TMEM192: variants seen among roughly 807,000 people sequenced by gnomAD.
TMEM192 encodes the protein transmembrane protein 192.
TMEM192 carries 20 observed loss-of-function variants against 26.7 expected under a neutral mutation model. The observed-to-expected ratio is 0.75, with a 90% CI of 0.53 to 1.09. The LOEUF is 1.09. Ranked by LOEUF, TMEM192 falls within the 50% of genes least tolerant of loss-of-function variation. The pLI is 0.00. For missense variants in TMEM192, 304 were observed against 322.6 expected (o/e 0.94, Z 0.44); for synonymous variants, 124 against 121.0 (o/e 1.02, Z -0.16).
chr4:165,074,210 G>A lies in TMEM192; in HGVS notation c.*5448C>T, dbSNP rs2111250766. 1 of 152,246 alleles carries A rather than the reference G, an allele frequency of 6.6e-6. No homozygotes were observed. The highest frequency in any genetic ancestry group is 1.9e-4 in the East Asian group (1 of 5,188). 9.4% of individuals were successfully genotyped at this position (152,246 alleles called of 1,614,324 possible). A position where few individuals can be genotyped will look rare whatever the true frequency, so the allele number is the denominator to read the frequency against. ...TTAAGCAATGTGGAAGGAAGCTATTGGTGACCTTGCCAAGAACAGTTTCAG... is the reference window on the plus strand; with the variant it reads ...TTAAGCAATGTGGAAGGAAGCTATTAGTGACCTTGCCAAGAACAGTTTCAG... On this transcript the variant is annotated 3_prime_UTR_variant, in exon 6 of 6. Transcript: ENST00000306480.
chr4:165,086,158 T>C (rs1204490134), intron 4 of TMEM192, among the ~76,000 whole-genome samples: 1 of 152,152 alleles, frequency 6.6e-6, no homozygotes, highest in Non-Finnish European at 1.5e-5. Context: ...AAGCTGCTTT[T>C]TGGCCTGGAA....
chr4:165,108,388 C>T (rs898456985), intron 1 of TMEM192, among the ~76,000 whole-genome samples: 5 of 151,988 alleles, frequency 3.3e-5, no homozygotes, highest in East Asian at 1.9e-4. Context: ...CTCAAAGTGC[C>T]GGGATTACAG....
Position 165,070,940 on chromosome 4 carries a change from GAC to G in TMEM192, c.*8716_*8717del, listed in dbSNP as rs992027000. The G allele has an allele frequency of 2.4e-4, 37 of 152,244 alleles. No individual in the cohort carries two copies. Among genetic ancestry groups the G allele is most frequent in the African/African-American group, 6.5e-4 (27 of 41,534 alleles). The allele number at this position is 152,244 out of a possible 1,614,324, so 9.4% of individuals were successfully genotyped here. ...AGATAGAGCTTACATTCTATCAGGA[GAC>G]ACAGACAAAGTAAACAAGTAAGTTA... is the stretch of plus-strand genomic sequence containing the variant. On this transcript the variant is annotated 3_prime_UTR_variant, in exon 6 of 6. Transcript: ENST00000306480.
chr4:165,103,283 A>C (rs1735086798), intron 1 of TMEM192, among the ~76,000 whole-genome samples, 187 bp from the exon 2 acceptor site: 1 of 151,926 alleles, frequency 6.6e-6, no homozygotes, highest in Non-Finnish European at 1.5e-5. Flanking sequence ...AAAATTAATT[A>C]ATTTTTTAAA....
At chr4:165,110,239 T>G (rs1735262423) in intron 1 of TMEM192, among the ~76,000 whole-genome samples, 1 of 152,230 alleles carries the variant, frequency 6.6e-6, no homozygotes, top group Non-Finnish European at 1.5e-5. Flanking sequence ...TCTGTTGTTT[T>G]TGCCCACATG....
At chr4:165,084,229 C>T (rs941662351) in intron 5 of TMEM192, among the ~76,000 whole-genome samples, 4 of 143,656 alleles carry the variant, frequency 2.8e-5, no homozygotes, top group Non-Finnish European at 4.6e-5. Flanking sequence ...GATGGAGTCT[C>T]GCTCTGTTGC....
At chr4:165,090,754 A>C (rs929070221) in intron 3 of TMEM192, among the ~76,000 whole-genome samples, 2 of 151,600 alleles carry the variant, frequency 1.3e-5, no homozygotes, top group African/African-American at 4.8e-5. Flanking sequence ...AAAATACAAA[A>C]ACTAGCTGGT....
chr4:165,097,442 C>T (rs1240690170), intron 3 of TMEM192, among the ~76,000 whole-genome samples: 3 of 136,964 alleles, frequency 2.2e-5, no homozygotes, highest in Non-Finnish European at 4.5e-5. Context: ...TGCAGTGAGC[C>T]GAGATAGCGC....
chr4:165,106,245 A>C (rs1238006741), intron 1 of TMEM192, among the ~76,000 whole-genome samples: 1 of 152,164 alleles, frequency 6.6e-6, no homozygotes, highest in East Asian at 1.9e-4. Context: ...TTACCATTCT[A>C]ACTCCTAAAC....
At chr4:165,086,236 A>C (rs1734613223) in intron 4 of TMEM192, among the ~76,000 whole-genome samples, 1 of 152,084 alleles carries the variant, frequency 6.6e-6, no homozygotes, top group South Asian at 2.1e-4. Flanking sequence ...CCCAGGAATT[A>C]ATCACACAGA....
chr4:165,100,602 A>C, intron 3 of TMEM192, 26 bp downstream of exon 3: 1 of 1,602,276 alleles, frequency 6.2e-7, no homozygotes, highest in Admixed American at 1.7e-5. Flanking sequence ...CAAGCACCCA[A>C]GTAGCTGAGA....
At chr4:165,091,766 T>C (rs566228842) in intron 3 of TMEM192, among the ~76,000 whole-genome samples, 44 of 152,318 alleles carry the variant, frequency 2.9e-4, no homozygotes, top group Middle Eastern at 6.8e-3. Flanking sequence ...TTAGGAATGA[T>C]TTTTTGCTTT....
chr4:165,084,800 C>T (rs1402932314), intron 5 of TMEM192, among the ~76,000 whole-genome samples: 1 of 151,702 alleles, frequency 6.6e-6, no homozygotes, highest in African/African-American at 2.4e-5. Flanking sequence ...ACTTTAGCCC[C>T]AAGATCTCCA....
Position 165,080,267 on chromosome 4 carries a change from T to C in TMEM192, c.678-471A>G, listed in dbSNP as rs901709000. Among the ~76,000 whole-genome samples, 12 of 152,144 alleles carry C rather than the reference T, an allele frequency of 7.9e-5. No homozygotes were observed. In the South Asian group the frequency reaches 1.2e-3, roughly 16 times the overall value. On this transcript the variant is annotated intron_variant, in intron 5 of 5. Coordinates refer to ENST00000306480, the MANE Select transcript of TMEM192 (RefSeq NM_001100389.2). The stretch of plus-strand genomic sequence containing the variant: ...CCCATACCACAAAAATGTATCTTTT[T>C]GCACCTGACACAAATAAAAATATTA...
chr4:165,100,974 T>TC lies in TMEM192; in HGVS notation c.175-83_175-82insG. The TC allele has an allele frequency of 2.9e-6, 3 of 1,040,052 alleles. No individual in the cohort carries two copies. In the African/African-American group the frequency reaches 5.4e-5, roughly 19 times the overall value. 64.4% of individuals were successfully genotyped at this position (1,040,052 alleles called of 1,614,324 possible). A position where few individuals can be genotyped will look rare whatever the true frequency, so the allele number is the denominator to read the frequency against. On this transcript the variant is annotated intron_variant, in intron 2 of 5. Transcript: ENST00000306480. ...AACTACCATCCCAGCATACATTCTT[T>TC]TTTTTTTTTTTTTTTTTTCTGAGAC...
chr4:165,098,067 C>T (rs925713395), intron 3 of TMEM192, among the ~76,000 whole-genome samples: 6 of 151,630 alleles, frequency 4.0e-5, no homozygotes, highest in Admixed American at 6.6e-5. Flanking sequence ...GTGATCCTCC[C>T]GCCTCAGCCT....
intron 1 of TMEM192, among the ~76,000 whole-genome samples, chr4:165,106,518 G>T (rs1269675761): frequency 6.6e-6 from 1 of 152,232 alleles, no homozygotes; most frequent in Non-Finnish European, 1.5e-5. Flanking sequence ...CTCAATATGG[G>T]CAAGCACCAT....
chr4:165,105,373 G>A lies in TMEM192; in HGVS notation c.28-2277C>T, dbSNP rs899938821. On this transcript the variant is annotated intron_variant, in intron 1 of 5. Transcript: ENST00000306480. ...TACGGGGGATCAACTGTGACCAAAGGCAGTAAGAGCTGTGGTTAAGGTCAG... is the reference window on the plus strand; with the variant it reads ...TACGGGGGATCAACTGTGACCAAAGACAGTAAGAGCTGTGGTTAAGGTCAG... Among the ~76,000 whole-genome samples the A allele has an allele frequency of 3.3e-5, 5 of 152,188 alleles. No homozygotes were observed. The South Asian group carries it at 8.3e-4, about 25-fold the overall frequency.
Position 165,074,369 on chromosome 4 carries a change from T to C in TMEM192, c.*5289A>G, listed in dbSNP as rs932681178. The C allele has an allele frequency of 3.3e-5, 5 of 152,188 alleles. No individual in the cohort carries two copies. Among genetic ancestry groups the C allele is most frequent in the Non-Finnish European group, 7.3e-5 (5 of 68,030 alleles). 9.4% of individuals were successfully genotyped at this position (152,188 alleles called of 1,614,324 possible). A position where few individuals can be genotyped will look rare whatever the true frequency, so the allele number is the denominator to read the frequency against. On this transcript the variant is annotated 3_prime_UTR_variant, in exon 6 of 6. Transcript: ENST00000306480. ...ATGTTTTGAGATCTCAAATTTGTGA[T>C]TGTCACATATTCAAAGTTTGATTCT...
Sources: gnomAD v4.1 joint callset for allele counts (sites outside exome capture counted in the v4.1 genomes callset) on GRCh38, gnomAD v4.1.1 for gene constraint, MANE v1.5 for transcripts, NCBI Gene and HGNC (gene_info 2026-07-23, HGNC 2026-07-21) for gene names.